Variants in LDB2 observed in about 807,000 individuals in gnomAD.
LDB2 encodes LIM domain binding 2, also known as LIM domain-binding protein 2.
A neutral mutation model predicts 44.3 loss-of-function variants in LDB2; 12 were observed. That is an observed-to-expected ratio of 0.27 (90% CI 0.17 to 0.44). The LOEUF is 0.44. Ranked by LOEUF, LDB2 falls within the 20% of genes least tolerant of loss-of-function variation. LDB2 has a pLI of 1.00. For missense variants in LDB2, 344 were observed against 473.5 expected (o/e 0.73, Z 2.54); for synonymous variants, 164 against 174.8 (o/e 0.94, Z 0.49).
chr4:16,783,802 T>C (rs1773827238), intron 1 of LDB2, among the ~76,000 whole-genome samples: 1 of 152,246 alleles, frequency 6.6e-6, no homozygotes, highest in African/African-American at 2.4e-5. Context: ...TAAATAGTGT[T>C]TCTAAAGGGA....
At chr4:16,676,277 T>C (rs1232876508) in intron 2 of LDB2, among the ~76,000 whole-genome samples, 18 of 152,238 alleles carry the variant, frequency 1.2e-4, no homozygotes, top group Non-Finnish European at 2.6e-4. Flanking sequence ...TCAGGACCCA[T>C]GTGAAAATTC....
At chr4:16,736,311 C>A (rs936946623) in intron 2 of LDB2, among the ~76,000 whole-genome samples, 2 of 152,170 alleles carry the variant, frequency 1.3e-5, no homozygotes, top group African/African-American at 2.4e-5. Flanking sequence ...AACGTCTTCC[C>A]AAATAGGGAA....
At chr4:16,633,079 C>T (rs1198682875) in intron 2 of LDB2, among the ~76,000 whole-genome samples, 1 of 152,150 alleles carries the variant, frequency 6.6e-6, no homozygotes, top group Admixed American at 6.6e-5. Flanking sequence ...AAATGTGGTA[C>T]ATATACACCA....
At chr4:16,701,419 A>C (rs888934095) in intron 2 of LDB2, among the ~76,000 whole-genome samples, 1 of 152,204 alleles carries the variant, frequency 6.6e-6, no homozygotes, top group African/African-American at 2.4e-5. Context: ...ATGGGCCTCA[A>C]CATCATAGTT....
At chr4:16,632,108 C>G (rs1732124788) in intron 2 of LDB2, among the ~76,000 whole-genome samples, 1 of 152,158 alleles carries the variant, frequency 6.6e-6, no homozygotes, top group African/African-American at 2.4e-5. Context: ...CATCCTGATA[C>G]CAAAGCCTGT....
chr4:16,558,853 G>A (rs1343818173), intron 5 of LDB2, among the ~76,000 whole-genome samples: 1 of 152,216 alleles, frequency 6.6e-6, no homozygotes, highest in African/African-American at 2.4e-5. Context: ...CAGACTAACA[G>A]CAGATCTCTC....
chr4:16,637,085 C>T (rs1420733799), intron 2 of LDB2, among the ~76,000 whole-genome samples: 1 of 152,132 alleles, frequency 6.6e-6, no homozygotes, highest in Non-Finnish European at 1.5e-5. Context: ...AACAAAGGCT[C>T]CTACTGTCTT....
At chr4:16,534,272 C>T (rs1731022769) in intron 5 of LDB2, among the ~76,000 whole-genome samples, 1 of 152,310 alleles carries the variant, frequency 6.6e-6, no homozygotes, top group South Asian at 2.1e-4. Flanking sequence ...TCGATGTTCT[C>T]ATTTTATCTC....
chr4:16,691,572 ACCAT>A (rs990355749), intron 2 of LDB2, among the ~76,000 whole-genome samples: 4 of 152,170 alleles, frequency 2.6e-5, no homozygotes, highest in African/African-American at 4.8e-5. Context: ...AAGAGCAAAC[ACCAT>A]TGTTTCGTGC....
chr4:16,684,214 C>G (rs750095139), intron 2 of LDB2, among the ~76,000 whole-genome samples: 8 of 152,190 alleles, frequency 5.3e-5, no homozygotes, highest in Non-Finnish European at 1.2e-4. Context: ...AATTTCTGCT[C>G]TATCTGTTTT....
At chr4:16,610,608 A>G (rs1725342343) in intron 2 of LDB2, among the ~76,000 whole-genome samples, 1 of 152,136 alleles carries the variant, frequency 6.6e-6, no homozygotes. Context: ...TGGAAGAAAG[A>G]ATATCAGCTT....
At chr4:16,635,562 A>G (rs1733358965) in intron 2 of LDB2, among the ~76,000 whole-genome samples, 2 of 152,216 alleles carry the variant, frequency 1.3e-5, no homozygotes, top group South Asian at 4.1e-4. Context: ...GGTTTGTGCT[A>G]TAATGCAGTC....
chr4:16,523,428 C>T (rs1018891070), intron 5 of LDB2, among the ~76,000 whole-genome samples: 2 of 152,158 alleles, frequency 1.3e-5, no homozygotes, highest in African/African-American at 4.8e-5. Context: ...CTTTCACTTA[C>T]AAGAAATACT....
At chr4:16,590,685 G>C (rs1034892109) in intron 3 of LDB2, among the ~76,000 whole-genome samples, 1 of 152,200 alleles carries the variant, frequency 6.6e-6, no homozygotes, top group Non-Finnish European at 1.5e-5. Flanking sequence ...GAAACACTGT[G>C]GGATAATTAT....
intron 1 of LDB2, among the ~76,000 whole-genome samples, chr4:16,841,092 C>T (rs1354475576): frequency 1.3e-5 from 2 of 152,152 alleles, no homozygotes; most frequent in Non-Finnish European, 2.9e-5. Context: ...CACATATGCC[C>T]GGACTTATCT....
chr4:16,884,062 C>T (rs906623576), intron 1 of LDB2, among the ~76,000 whole-genome samples: 2 of 152,160 alleles, frequency 1.3e-5, no homozygotes, highest in Admixed American at 6.5e-5. Flanking sequence ...CAAGACAGAC[C>T]ACCAGTCCAC....
chr4:16,861,274 G>A (rs913344939), intron 1 of LDB2, among the ~76,000 whole-genome samples: 3 of 152,082 alleles, frequency 2.0e-5, no homozygotes, highest in Non-Finnish European at 4.4e-5. Flanking sequence ...ATCACTGCAG[G>A]TCAGGGTTTC....
At chr4:16,558,119 A>G (rs1474190808) in intron 5 of LDB2, among the ~76,000 whole-genome samples, 1 of 152,164 alleles carries the variant, frequency 6.6e-6, no homozygotes, top group Non-Finnish European at 1.5e-5. Flanking sequence ...ATGGGGAAAA[A>G]ACAGAGCAGA....
In LDB2 at chr4:16,586,013, G is replaced by GA. The variant is rs768583431; in HGVS notation, c.532-9dup. ...GACCTGAGGATCTTGTGCCTAAATGGAAAAAAAACCCCACATGTATTTTAT... is the reference window on the plus strand; with the variant it reads ...GACCTGAGGATCTTGTGCCTAAATGGAAAAAAAAACCCCACATGTATTTTAT... On this transcript the variant is annotated splice_polypyrimidine_tract_variant and intron_variant, in intron 4 of 7. Transcript: ENST00000304523. 3.7e-5 allele frequency: 59 copies of GA among 1,606,720 alleles called. No homozygotes were observed. The highest frequency in any genetic ancestry group is 1.7e-4 in the Middle Eastern group (1 of 6,060).
Sources: allele counts gnomAD v4.1 joint callset (sites outside exome capture counted in the v4.1 genomes callset), GRCh38; gene constraint gnomAD v4.1.1; transcripts MANE v1.5; gene names NCBI Gene and HGNC (gene_info 2026-07-23, HGNC 2026-07-21).